The following GATB variants were observed in gnomAD, a reference collection of about 807,000 sequenced individuals.
GATB encodes the protein glutamyl-tRNA amidotransferase subunit B.
Under a neutral mutation model 62.3 loss-of-function variants are expected in GATB, and 39 were observed. The observed-to-expected ratio is 0.63, with a 90% confidence interval of 0.48 to 0.82. GATB has a LOEUF of 0.82. Ranked by LOEUF, GATB falls within the 40% of genes least tolerant of loss-of-function variation. The pLI, the probability that GATB is intolerant of heterozygous loss-of-function variation, is 0.00. For synonymous variants in GATB, 276 were observed against 258.9 expected (o/e 1.07, Z -0.63); for missense variants, 670 against 684.0 (o/e 0.98, Z 0.23).
intron 10 of GATB, among the ~76,000 whole-genome samples, chr4:151,682,014 G>A (rs532747438): frequency 1.3e-5 from 2 of 152,250 alleles, no homozygotes; most frequent in East Asian, 1.9e-4. Flanking sequence ...CATTCAGATC[G>A]CCGCAATGAC....
intron 1 of GATB, among the ~76,000 whole-genome samples, chr4:151,760,276 G>T (rs1739924020): frequency 6.6e-6 from 1 of 152,208 alleles, no homozygotes; most frequent in Non-Finnish European, 1.5e-5. Context: ...TAACCAGGGG[G>T]AGTATCTCTT....
intron 11 of GATB, among the ~76,000 whole-genome samples, chr4:151,677,106 A>T (rs1738023809): frequency 6.6e-6 from 1 of 152,122 alleles, no homozygotes; most frequent in African/African-American, 2.4e-5. Flanking sequence ...CACTTATTGG[A>T]GCCTCTTCCA....
intron 2 of GATB, 149 bp from the exon 3 acceptor site, chr4:151,719,687 C>T (rs902374595): frequency 1.4e-5 from 7 of 504,256 alleles, no homozygotes; most frequent in Non-Finnish European, 2.1e-5. Flanking sequence ...GTTCACAAGC[C>T]GAGTCTGTTT....
chr4:151,684,808 G>C (rs1228623044), intron 10 of GATB, among the ~76,000 whole-genome samples: 2 of 152,136 alleles, frequency 1.3e-5, no homozygotes, highest in African/African-American at 4.8e-5. Context: ...TACCCTTCAG[G>C]TTCTTAAAAC....
intron 5 of GATB, among the ~76,000 whole-genome samples, chr4:151,709,795 T>C (rs1418935985): frequency 1.3e-5 from 2 of 152,182 alleles, no homozygotes; most frequent in African/African-American, 2.4e-5. Context: ...TCTGGGTTCA[T>C]CATTCCTGCT....
intron 2 of GATB, among the ~76,000 whole-genome samples, chr4:151,725,537 C>A (rs560825938): frequency 1.3e-5 from 2 of 152,228 alleles, no homozygotes; most frequent in South Asian, 2.1e-4. Context: ...TTTTCACATG[C>A]GTGGAGCCAA....
intron 2 of GATB, among the ~76,000 whole-genome samples, chr4:151,757,763 C>T (rs578234271): frequency 3.3e-5 from 5 of 152,114 alleles, no homozygotes; most frequent in African/African-American, 1.2e-4. Context: ...AGGCGTGAGC[C>T]ACCGCGCCCG....
chr4:151,707,805 T>C (rs1457862829), intron 6 of GATB, among the ~76,000 whole-genome samples, 183 bp downstream of exon 6: 1 of 152,218 alleles, frequency 6.6e-6, no homozygotes, highest in East Asian at 1.9e-4. Flanking sequence ...CCATGGACCC[T>C]CTGCTTCAGC....
intron 2 of GATB, among the ~76,000 whole-genome samples, chr4:151,741,168 T>G (rs968033248): frequency 6.6e-6 from 1 of 152,140 alleles, no homozygotes; most frequent in Non-Finnish European, 1.5e-5. Context: ...GAAGTTTAAT[T>G]TATAAATTAT....
intron 10 of GATB, among the ~76,000 whole-genome samples, chr4:151,680,339 T>C (rs1738114862): frequency 6.6e-6 from 1 of 150,900 alleles, no homozygotes; most frequent in African/African-American, 2.4e-5. Context: ...CAAATATAAA[T>C]TCCTTTAAAT....
At position 151,679,866 on chromosome 4, in the gene GATB, C is replaced by T. The variant is rs1560840841; in HGVS notation, c.1357G>A (p.Glu453Lys). 2 of 1,614,118 alleles carry T rather than the reference C, an allele frequency of 1.2e-6. No homozygotes were observed. Among genetic ancestry groups the T allele is most frequent in the Admixed American group, 1.7e-5 (1 of 60,026 alleles). ...CTGCTGTCCAGCAGGTCAAGAAGCT[C>T]AGCGAGTGCAGAGGGTGTGACAGGA... ...ESPVTPSALA[E>K]LLDLLDSRTI... Residue 453 changes from glutamate to lysine, a missense_variant, in exon 11 of 13, where the codon GAG becomes AAG. Glu to Lys is a moderately conservative substitution (Grantham distance 56). Transcript: ENST00000263985.
At chr4:151,694,617 G>A (rs577539643) in intron 9 of GATB, among the ~76,000 whole-genome samples, 2 of 152,314 alleles carry the variant, frequency 1.3e-5, no homozygotes, top group African/African-American at 4.8e-5. Flanking sequence ...GCTGAAATAT[G>A]GTGCCTGATG....
chr4:151,734,107 A>G (rs1477219096), intron 2 of GATB, among the ~76,000 whole-genome samples: 4 of 152,194 alleles, frequency 2.6e-5, no homozygotes, highest in Admixed American at 2.0e-4. Flanking sequence ...GAGCAATCAG[A>G]CAAGAGAAAT....
chr4:151,701,678 C>T (rs1738610678), intron 8 of GATB, among the ~76,000 whole-genome samples, 160 bp from the exon 9 acceptor site: 1 of 152,102 alleles, frequency 6.6e-6, no homozygotes, highest in Non-Finnish European at 1.5e-5. Flanking sequence ...CCAGGGAAGC[C>T]ATTGCATAAG....
intron 9 of GATB, among the ~76,000 whole-genome samples, chr4:151,694,002 G>A (rs780894563): frequency 5.9e-5 from 9 of 152,110 alleles, no homozygotes; most frequent in Non-Finnish European, 8.8e-5. Flanking sequence ...CTATCTGCAC[G>A]AATGGGACAC....
At chr4:151,691,223 G>A (rs550075900) in intron 9 of GATB, among the ~76,000 whole-genome samples, 1 of 152,274 alleles carries the variant, frequency 6.6e-6, no homozygotes, top group East Asian at 1.9e-4. Flanking sequence ...AAAGCAACAA[G>A]CAAGCATTCG....
chr4:151,735,464 A>T (rs200593809), intron 2 of GATB, among the ~76,000 whole-genome samples: 2 of 151,958 alleles, frequency 1.3e-5, no homozygotes, highest in Non-Finnish European at 2.9e-5. Flanking sequence ...TGGATGCAGC[A>T]ATCAGGGAAC....
intron 9 of GATB, among the ~76,000 whole-genome samples, chr4:151,695,494 T>A (rs1486159323): frequency 6.6e-6 from 1 of 152,132 alleles, no homozygotes; most frequent in African/African-American, 2.4e-5. Context: ...GGAACTAGCA[T>A]CCGGCACTGC....
intron 9 of GATB, among the ~76,000 whole-genome samples, chr4:151,693,509 C>G (rs951624269): frequency 6.6e-6 from 1 of 152,198 alleles, no homozygotes; most frequent in East Asian, 1.9e-4. Context: ...ACGACCCCCC[C>G]CTCAAGAGTG....
Sources: allele counts gnomAD v4.1 joint callset (sites outside exome capture counted in the v4.1 genomes callset), GRCh38; gene constraint gnomAD v4.1.1; transcripts MANE v1.5; gene names NCBI Gene and HGNC (gene_info 2026-07-23, HGNC 2026-07-21).